NTRK3: variants seen among roughly 807,000 people sequenced by gnomAD.
NTRK3 encodes the protein NT-3 growth factor receptor.
A neutral mutation model predicts 91.7 loss-of-function variants in NTRK3; 24 were observed. The ratio of observed to expected loss-of-function variants is 0.26; its 90% confidence interval spans 0.19 to 0.37. The LOEUF (loss-of-function observed/expected upper bound fraction) is 0.37. Among genes scored for constraint, NTRK3 ranks in the 10% least tolerant of loss-of-function variants. The probability of loss-of-function intolerance (pLI) is 1.00; values close to 1 mark genes in which losing one functional copy is unlikely to be tolerated. For missense variants in NTRK3, 880 were observed against 1,068.9 expected, an observed-to-expected ratio of 0.82 and a Z score of 2.46; for synonymous variants, 483 against 404.0, an observed-to-expected ratio of 1.20 and a Z score of -2.34.
chr15:87,912,482 T>C (rs2067142662), intron 17 of NTRK3, among the ~76,000 whole-genome samples: 1 of 152,128 alleles, frequency 6.6e-6, no homozygotes. Flanking sequence ...TGTCTGTAAA[T>C]AGGGAGAATC....
intron 17 of NTRK3, among the ~76,000 whole-genome samples, chr15:87,921,644 A>C (rs2067882653): frequency 6.6e-6 from 1 of 152,160 alleles, no homozygotes; most frequent in Non-Finnish European, 1.5e-5. Context: ...AACAGGTCTA[A>C]TGCAGAGAGC....
intron 14 of NTRK3, among the ~76,000 whole-genome samples, chr15:87,946,690 C>T (rs1015702031): frequency 2.0e-5 from 3 of 152,154 alleles, no homozygotes; most frequent in African/African-American, 7.2e-5. Flanking sequence ...CTGTCCTCAT[C>T]ACTGAGACCT....
intron 14 of NTRK3, among the ~76,000 whole-genome samples, chr15:88,026,853 C>T (rs959411426): frequency 6.6e-6 from 1 of 152,104 alleles, no homozygotes; most frequent in African/African-American, 2.4e-5. Flanking sequence ...CAGGTATCAC[C>T]TTATCTGAAG....
At chr15:88,121,497 A>G (rs1453724366) in intron 13 of NTRK3, among the ~76,000 whole-genome samples, 1 of 152,244 alleles carries the variant, frequency 6.6e-6, no homozygotes, top group African/African-American at 2.4e-5. Context: ...TAATTTAACA[A>G]TATTTTATGA....
chr15:88,082,653 A>G (rs1167970840), intron 13 of NTRK3, among the ~76,000 whole-genome samples: 1 of 152,206 alleles, frequency 6.6e-6, no homozygotes, highest in Admixed American at 6.5e-5. Context: ...CATAATGTCC[A>G]TGAGACACTT....
At chr15:88,004,668 A>C (rs142366376) in intron 14 of NTRK3, among the ~76,000 whole-genome samples, 80 of 152,348 alleles carry the variant, frequency 5.3e-4, no homozygotes, top group Non-Finnish European at 1.0e-3. Flanking sequence ...AGAAACAAAT[A>C]AGACAGTGAG....
At chr15:88,148,868 G>A (rs908377185) in intron 5 of NTRK3, among the ~76,000 whole-genome samples, 1 of 152,178 alleles carries the variant, frequency 6.6e-6, no homozygotes, top group African/African-American at 2.4e-5. Flanking sequence ...GTTAGAGGTA[G>A]AGCTGCCAGG....
At chr15:87,860,207 G>A (rs1367635584) in exon 19 of NTRK3, 1 of 222,244 alleles carries the variant, frequency 4.5e-6, no homozygotes, top group Admixed American at 5.8e-5. Context: ...GAAGCATGAG[G>A]GTGAAGAATG....
chr15:88,228,449 C>A (rs2050872442), intron 3 of NTRK3, among the ~76,000 whole-genome samples: 1 of 152,276 alleles, frequency 6.6e-6, no homozygotes, highest in South Asian at 2.1e-4. Context: ...CCATACTACC[C>A]TGTAGTGCAT....
intron 14 of NTRK3, chr15:87,981,202 A>G (rs1306814493): frequency 1.3e-6 from 2 of 1,558,062 alleles, no homozygotes; most frequent in East Asian, 4.8e-5. Flanking sequence ...ACTGCATACA[A>G]AGACGTCAAA....
chr15:87,914,982 A>G (rs1376984485), intron 17 of NTRK3, among the ~76,000 whole-genome samples: 2 of 152,082 alleles, frequency 1.3e-5, no homozygotes, highest in Non-Finnish European at 2.9e-5. Context: ...AGCGGTGGCT[A>G]TGGTGTTGGT....
intron 3 of NTRK3, among the ~76,000 whole-genome samples, chr15:88,249,754 C>A (rs2053176450): frequency 6.6e-6 from 1 of 152,202 alleles, no homozygotes; most frequent in African/African-American, 2.4e-5. Context: ...CAGCTTCCAA[C>A]ACACCGGGCC....
chr15:87,945,165 G>A (rs558313318), intron 14 of NTRK3, among the ~76,000 whole-genome samples: 23 of 152,322 alleles, frequency 1.5e-4, no homozygotes, highest in African/African-American at 5.5e-4. Flanking sequence ...GAGAAAGCAG[G>A]AGGCTGCTAT....
At chr15:87,901,572 G>C (rs1422683678) in intron 17 of NTRK3, among the ~76,000 whole-genome samples, 3 of 152,186 alleles carry the variant, frequency 2.0e-5, no homozygotes, top group Non-Finnish European at 4.4e-5. Flanking sequence ...GAGTTGAGTT[G>C]GGCTAAGTTC....
chr15:88,184,530 C>T (rs965961378), intron 3 of NTRK3, among the ~76,000 whole-genome samples: 1 of 152,222 alleles, frequency 6.6e-6, no homozygotes, highest in Admixed American at 6.5e-5. Context: ...ATCCAAGTTC[C>T]TGGCCCATGG....
At chr15:88,171,922 T>C (rs2045557796) in intron 5 of NTRK3, among the ~76,000 whole-genome samples, 2 of 152,388 alleles carry the variant, frequency 1.3e-5, no homozygotes. Context: ...GTACACATCA[T>C]TGAGAGGGTC....
At position 88,255,339 on chromosome 15, in the gene NTRK3, A is replaced by G. The variant is rs903384100; in HGVS notation, c.248+567T>C. 1.3e-5 allele frequency among the ~76,000 whole-genome samples: 2 copies of G among 152,136 alleles called. No homozygotes were observed. The highest frequency in any genetic ancestry group is 4.8e-5 in the African/African-American group (2 of 41,442). On this transcript the variant is annotated intron_variant, in intron 3 of 18. Transcript: ENST00000394480. The surrounding 1 kb of genome is among the most constrained non-coding windows in gnomAD (Gnocchi z 4.3). ...CGTCCATGACGGCCTCCACACGTCC[A>G]AAGTCTCCCCGCGAGCAGCCAGCTC...
chr15:88,056,896 C>T (rs947687192), intron 13 of NTRK3, among the ~76,000 whole-genome samples: 3 of 152,186 alleles, frequency 2.0e-5, no homozygotes, highest in East Asian at 1.9e-4. Context: ...GTCGGCCGGG[C>T]GCGGTGGCTC....
At chr15:88,211,962 A>T (rs942289740) in intron 3 of NTRK3, among the ~76,000 whole-genome samples, 1 of 152,238 alleles carries the variant, frequency 6.6e-6, no homozygotes, top group Non-Finnish European at 1.5e-5. Context: ...AATAAACCCA[A>T]TTTTGTAGAA....
Sources: gnomAD v4.1 joint callset for allele counts (sites outside exome capture counted in the v4.1 genomes callset) on GRCh38, gnomAD v4.1.1 for gene constraint, Gnocchi (gnomAD v3.1) non-coding constraint, MANE v1.5 for transcripts, NCBI Gene and HGNC (gene_info 2026-07-23, HGNC 2026-07-21) for gene names.